Variants in TSGA10 observed in about 807,000 individuals in gnomAD.
The protein encoded by TSGA10 is testis-specific gene 10 protein.
A neutral mutation model predicts 96.6 loss-of-function variants in TSGA10; 43 were observed. That is an observed-to-expected ratio of 0.44 (90% CI 0.35 to 0.57). TSGA10 has a LOEUF of 0.57. Among genes scored for constraint, TSGA10 ranks in the 20% least tolerant of loss-of-function variants. TSGA10 has a pLI of 0.01. For missense variants in TSGA10, 703 were observed against 834.4 expected (o/e 0.84, Z 1.94); for synonymous variants, 229 against 269.9 (o/e 0.85, Z 1.48).
intron 20 of TSGA10, among the ~76,000 whole-genome samples, chr2:99,010,963 A>G (rs1259821334): frequency 1.3e-5 from 2 of 152,180 alleles, no homozygotes; most frequent in Non-Finnish European, 2.9e-5. Context: ...CTTCTCTGGC[A>G]AACTGTATGA....
At chr2:99,055,031 T>G (rs1010577129) in intron 16 of TSGA10, among the ~76,000 whole-genome samples, 3 of 152,148 alleles carry the variant, frequency 2.0e-5, no homozygotes, top group Non-Finnish European at 4.4e-5. Flanking sequence ...GGAAATGAAA[T>G]CAGTATGTCA....
At chr2:99,099,204 C>T (rs1261865623) in intron 10 of TSGA10, among the ~76,000 whole-genome samples, 1 of 152,048 alleles carries the variant, frequency 6.6e-6, no homozygotes, top group African/African-American at 2.4e-5. Flanking sequence ...CCCAGCTGCT[C>T]GGGAGGCTGA....
chr2:98,998,751 C>T (rs940335467), intron 20 of TSGA10, among the ~76,000 whole-genome samples: 4 of 151,968 alleles, frequency 2.6e-5, no homozygotes, highest in Non-Finnish European at 5.9e-5. Context: ...CTGAATAAGG[C>T]CTTTAGACTA....
intron 20 of TSGA10, among the ~76,000 whole-genome samples, chr2:99,008,547 T>C (rs752833646): frequency 2.6e-5 from 4 of 152,210 alleles, no homozygotes; most frequent in African/African-American, 4.8e-5. Context: ...TGTGTTCTAT[T>C]AGTGACGCTG....
intron 20 of TSGA10, among the ~76,000 whole-genome samples, chr2:99,017,033 T>C (rs915169344): frequency 2.6e-5 from 4 of 152,186 alleles, no homozygotes; most frequent in Non-Finnish European, 5.9e-5. Context: ...GAAAAGGGAA[T>C]GTTTTCATTT....
At chr2:99,002,317 T>A (rs558584659) in intron 20 of TSGA10, among the ~76,000 whole-genome samples, 31 of 152,284 alleles carry the variant, frequency 2.0e-4, no homozygotes, top group African/African-American at 6.5e-4. Context: ...CAGAAGACAG[T>A]GGGGGCCAAT....
At chr2:99,135,701 G>A (rs181460318) in intron 1 of TSGA10, among the ~76,000 whole-genome samples, 2 of 152,266 alleles carry the variant, frequency 1.3e-5, no homozygotes, top group Admixed American at 6.5e-5. Context: ...TTATAAAACA[G>A]GGATGATAAT....
chr2:99,130,955 G>A (rs1178685385), intron 1 of TSGA10, among the ~76,000 whole-genome samples: 1 of 152,092 alleles, frequency 6.6e-6, no homozygotes, highest in Non-Finnish European at 1.5e-5. Flanking sequence ...TTGTTTCTGA[G>A]GCCTCTGTTC....
chr2:99,003,306 C>T (rs1190584013), intron 20 of TSGA10, among the ~76,000 whole-genome samples: 1 of 152,142 alleles, frequency 6.6e-6, no homozygotes, highest in Non-Finnish European at 1.5e-5. Context: ...AAAGCAAGTC[C>T]TTAGAGATGT....
intron 1 of TSGA10, among the ~76,000 whole-genome samples, chr2:99,139,629 T>A (rs2093455019): frequency 6.6e-6 from 1 of 152,162 alleles, no homozygotes; most frequent in African/African-American, 2.4e-5. Context: ...GAGAGAGTAT[T>A]TTATATAATA....
At chr2:99,075,324 T>G (rs2086575008) in intron 12 of TSGA10, among the ~76,000 whole-genome samples, 1 of 152,210 alleles carries the variant, frequency 6.6e-6, no homozygotes. Flanking sequence ...ACTGTCAAAA[T>G]TCAGTCTGGA....
chr2:99,137,631 A>G (rs1226100713), intron 1 of TSGA10, among the ~76,000 whole-genome samples: 7 of 151,410 alleles, frequency 4.6e-5, no homozygotes, highest in Non-Finnish European at 1.0e-4. Context: ...GATTGATATG[A>G]TATCAGTGTG....
chr2:99,080,062 TA>T (rs1313364502), intron 11 of TSGA10, among the ~76,000 whole-genome samples: 1 of 152,174 alleles, frequency 6.6e-6, no homozygotes, highest in African/African-American at 2.4e-5. Context: ...ATTATCAACC[TA>T]ACAGCCCACT....
intron 16 of TSGA10, among the ~76,000 whole-genome samples, chr2:99,062,125 G>C (rs1176609758): frequency 1.3e-5 from 2 of 152,144 alleles, no homozygotes; most frequent in Non-Finnish European, 2.9e-5. Flanking sequence ...GTATTTGAGA[G>C]ATCAAGAATA....
At chr2:99,081,872 G>A (rs2087561074) in intron 10 of TSGA10, among the ~76,000 whole-genome samples, 1 of 103,952 alleles carries the variant, frequency 9.6e-6, no homozygotes, top group African/African-American at 3.6e-5. Context: ...TTGCTGCTAG[G>A]CTCAGGAAAA....
At chr2:99,082,716 C>G (rs557301704) in intron 10 of TSGA10, among the ~76,000 whole-genome samples, 2 of 152,250 alleles carry the variant, frequency 1.3e-5, no homozygotes, top group African/African-American at 4.8e-5. Flanking sequence ...CATCAAGAAA[C>G]AATCCAACCT....
intron 17 of TSGA10, among the ~76,000 whole-genome samples, chr2:99,030,784 T>C (rs1219658743): frequency 6.6e-6 from 1 of 152,192 alleles, no homozygotes; most frequent in Non-Finnish European, 1.5e-5. Context: ...TTTTATTTTG[T>C]AGGTGGAAAT....
intron 11 of TSGA10, among the ~76,000 whole-genome samples, chr2:99,080,141 C>G (rs2104585824): frequency 6.6e-6 from 1 of 152,266 alleles, no homozygotes; most frequent in Non-Finnish European, 1.5e-5. Flanking sequence ...CTATTCTTTT[C>G]TGTCCTGACT....
intron 4 of TSGA10, among the ~76,000 whole-genome samples, chr2:99,116,121 A>G (rs1392480027): frequency 6.6e-6 from 1 of 152,260 alleles, no homozygotes; most frequent in African/African-American, 2.4e-5. Context: ...ACGTAATAAC[A>G]ATTAGCTTTG....
Sources: allele counts gnomAD v4.1 joint callset (sites outside exome capture counted in the v4.1 genomes callset), GRCh38; gene constraint gnomAD v4.1.1; transcripts MANE v1.5; gene names NCBI Gene and HGNC (gene_info 2026-07-23, HGNC 2026-07-21).